Variants in CDKL5 observed in about 807,000 individuals in gnomAD.
The protein encoded by CDKL5 is cyclin dependent kinase like 5.
Under a neutral mutation model 61.7 loss-of-function variants are expected in CDKL5, and 8 were observed. The ratio of observed to expected loss-of-function variants is 0.13; its 90% CI spans 0.08 to 0.23. The LOEUF (loss-of-function observed/expected upper bound fraction) is 0.23, where lower values mean the gene tolerates loss of function less well. Ranked by LOEUF, CDKL5 falls within the 10% of genes least tolerant of loss-of-function variation. The pLI is 1.00. For synonymous variants in CDKL5, 275 were observed against 272.3 expected (o/e 1.01, Z -0.10); for missense variants, 440 against 734.5 (o/e 0.60, Z 4.63).
chrX:18,429,651 T>C (rs935268833), intron 1 of CDKL5, among the ~76,000 whole-genome samples: 3 of 111,961 alleles, frequency 2.7e-5, no homozygotes, highest in African/African-American at 9.7e-5. Context: ...CATATTTATT[T>C]TTGACACCGG....
In CDKL5 at chrX:18,478,203, G is replaced by GTT. The variant is rs1302495488; in HGVS notation, c.-162-28722_-162-28721dup. Reference sequence around the variant, plus strand: ...TGGATATGAAATTCTTGGTTGACAAGTTTTTTTTTTTCCTTTTCTTTCATC... The same window carrying GTT: ...TGGATATGAAATTCTTGGTTGACAAGTTTTTTTTTTTTTCCTTTTCTTTCATC... On this transcript the variant is annotated intron_variant, in intron 1 of 17. Coordinates refer to ENST00000623535, the MANE Select transcript of CDKL5 (RefSeq NM_001323289.2). Among the ~76,000 whole-genome samples the GTT allele has an allele frequency of 5.0e-4, 50 of 100,177 alleles. 1 individual carries two copies. The highest frequency in any genetic ancestry group is 1.7e-3 in the African/African-American group (48 of 27,882). 87.0% of individuals were successfully genotyped at this position (100,177 alleles called of 115,157 possible). A position where few individuals can be genotyped will look rare whatever the true frequency, so the allele number is the denominator to read the frequency against.
intron 13 of CDKL5, among the ~76,000 whole-genome samples, chrX:18,609,262 C>T (rs1926462296): frequency 9.0e-6 from 1 of 110,567 alleles, no homozygotes; most frequent in Admixed American, 9.6e-5. Context: ...GGTGTAGCAG[C>T]GTGTGCCTGT....
In CDKL5 at chrX:18,522,335, C is replaced by CTT. The variant is rs369618121; in HGVS notation, c.99+11507_99+11508dup. 6.1e-4 allele frequency among the ~76,000 whole-genome samples: 23 copies of CTT among 37,512 alleles called. 4 individuals carry two copies. The highest frequency in any genetic ancestry group is 9.7e-4 in the Non-Finnish European group (20 of 20,592). The allele number at this position is 37,512 out of a possible 115,157, so 32.6% of individuals were successfully genotyped here. ...TCTTGCTCTGTTGCCCAGGCTGGAG[C>CTT]TTTTTTTTTTTTTTTTTTTTTTTTT... On this transcript the variant is annotated intron_variant, in intron 3 of 17. Transcript: ENST00000623535.
intron 16 of CDKL5, among the ~76,000 whole-genome samples, chrX:18,624,816 C>T (rs1395872667): frequency 8.9e-6 from 1 of 111,841 alleles, no homozygotes; most frequent in Non-Finnish European, 1.9e-5. Flanking sequence ...TGGTACAGCC[C>T]TATTTAACTG....
intron 1 of CDKL5, among the ~76,000 whole-genome samples, chrX:18,455,221 A>G (rs1932115838): frequency 8.9e-6 from 1 of 112,090 alleles, no homozygotes; most frequent in Non-Finnish European, 1.9e-5. Context: ...GTCTTTTAAC[A>G]TAATCTAACC....
At chrX:18,647,895 A>G (rs1927853609) in intron 20 of CDKL5, among the ~76,000 whole-genome samples, 1 of 71,079 alleles carries the variant, frequency 1.4e-5, no homozygotes, top group African/African-American at 8.2e-5. Context: ...AGTCTAATGA[A>G]AAAAAAAATG....
rs1602233003 is a variant in CDKL5, at chrX:18,510,863, A to G, written c.99+9A>G. 1 of 1,143,833 alleles carries G rather than the reference A, an allele frequency of 8.7e-7. No individual in the cohort carries two copies. Among genetic ancestry groups the G allele is most frequent in the Non-Finnish European group, 1.2e-6 (1 of 835,161 alleles). 94.3% of individuals were successfully genotyped at this position (1,143,833 alleles called of 1,213,427 possible). A position where few individuals can be genotyped will look rare whatever the true frequency, so the allele number is the denominator to read the frequency against. ...TTAAATGCAGACACAAGGCAAGTAC[A>G]TTATTTTTAAAAAGAAATATCTGTA... On this transcript the variant is annotated intron_variant, in intron 3 of 17. Transcript: ENST00000623535.
chrX:18,573,397 C>T (rs943315391), intron 4 of CDKL5, among the ~76,000 whole-genome samples: 2 of 112,150 alleles, frequency 1.8e-5, no homozygotes, highest in African/African-American at 3.2e-5. Flanking sequence ...CTTTAGGAAA[C>T]TGCCGGTGTT....
intron 3 of CDKL5, among the ~76,000 whole-genome samples, chrX:18,518,334 A>G (rs1204400102): frequency 9.5e-6 from 1 of 105,268 alleles, no homozygotes; most frequent in Non-Finnish European, 1.9e-5. Context: ...ACTTTTAAGG[A>G]ATTTAACATG....
At chrX:18,480,831 C>T (rs190615563) in intron 1 of CDKL5, among the ~76,000 whole-genome samples, 273 of 102,149 alleles carry the variant, frequency 2.7e-3, no homozygotes, top group Non-Finnish European at 4.4e-3. Flanking sequence ...CTTCTTTCTT[C>T]TTCTTCCTCT....
chrX:18,491,036 A>G (rs1234983852), intron 1 of CDKL5, among the ~76,000 whole-genome samples: 1 of 111,794 alleles, frequency 8.9e-6, no homozygotes, highest in Non-Finnish European at 1.9e-5. Context: ...CTTCATCACC[A>G]GCTGTTTGGC....
rs1247449149 is a variant in CDKL5, at chrX:18,653,424, C to A, written c.2981-8C>A. On this transcript the variant is annotated splice_polypyrimidine_tract_variant and splice_region_variant and intron_variant, in intron 21 of 21. Coordinates refer to the CDKL5 transcript ENST00000379989. Reference sequence around the variant, plus strand: ...TGAGTGACCCCGCTGTCCTTCTGTGCTTTCCAGGGTTCTCTTTCTTCGTGA... The same window carrying A: ...TGAGTGACCCCGCTGTCCTTCTGTGATTTCCAGGGTTCTCTTTCTTCGTGA... 47 of 1,208,744 alleles carry A rather than the reference C, an allele frequency of 3.9e-5. No individual in the cohort carries two copies. The highest frequency in any genetic ancestry group is 5.0e-5 in the Non-Finnish European group (45 of 894,853).
At chrX:18,653,447 T>C (rs1453567049) in exon 22 of CDKL5, 1 of 1,211,125 alleles carries the variant, frequency 8.3e-7, no homozygotes, top group Non-Finnish European at 1.1e-6. Flanking sequence ...TCTTTCTTCG[T>C]GAGACACGTT....
chrX:18,558,385 A>G (rs1447194861), intron 3 of CDKL5, among the ~76,000 whole-genome samples: 1 of 111,471 alleles, frequency 9.0e-6, no homozygotes, highest in East Asian at 2.8e-4. Context: ...TTTCAGAGTT[A>G]TTTTTTGTAT....
chrX:18,518,571 A>AT (rs1339126242), intron 3 of CDKL5, among the ~76,000 whole-genome samples: 2 of 105,453 alleles, frequency 1.9e-5, no homozygotes, highest in East Asian at 3.0e-4. Flanking sequence ...TGCCTGGCTA[A>AT]TTTTTTTTAT....
rs542032129 is a variant in CDKL5 at position 18,520,523 on chromosome X, A to G, written c.99+9669A>G. On this transcript the variant is annotated intron_variant, in intron 3 of 17. Transcript: ENST00000623535. ...TTTGAGTTGTTTCTACCTTTTGTCTATTGTGACTATTACTGCTATGAACAT... is the reference window on the plus strand; with the variant it reads ...TTTGAGTTGTTTCTACCTTTTGTCTGTTGTGACTATTACTGCTATGAACAT... 3.5e-3 allele frequency among the ~76,000 whole-genome samples: 393 copies of G among 112,214 alleles called. 2 individuals are homozygous for G. In the Middle Eastern group the frequency reaches 0.047, roughly 13 times the overall value.
chrX:18,647,638 C>A, intron 20 of CDKL5: 1 of 312,118 alleles, frequency 3.2e-6, no homozygotes, highest in Non-Finnish European at 5.7e-6. Context: ...TTCACCTCCT[C>A]CACCAACTTA....
In CDKL5 at chrX:18,595,598, A is replaced by G. The variant is rs17313049; in HGVS notation, c.825+170A>G. On this transcript the variant is annotated intron_variant, in intron 10 of 17. Coordinates refer to ENST00000623535, the MANE Select transcript of CDKL5 (RefSeq NM_001323289.2). ...GGCATGTAACTTATTTAAAATTACA[A>G]TGGGATCTGGTATTGTCACAGTCCA... 0.027 allele frequency among the ~76,000 whole-genome samples: 3,025 copies of G among 112,169 alleles called. 41 individuals carry two copies. Among genetic ancestry groups the G allele is most frequent in the Admixed American group, 0.035 (366 of 10,579 alleles).
chrX:18,481,731 C>G (rs750794786), intron 1 of CDKL5, among the ~76,000 whole-genome samples: 2 of 109,620 alleles, frequency 1.8e-5, no homozygotes, highest in Admixed American at 2.0e-4. Context: ...GCTAATGAAT[C>G]TTTCATTTTG....
Sources: allele counts gnomAD v4.1 joint callset (sites outside exome capture counted in the v4.1 genomes callset), GRCh38; gene constraint gnomAD v4.1.1; transcripts MANE v1.5; gene names NCBI Gene and HGNC (gene_info 2026-07-23, HGNC 2026-07-21).